The following KCTD20 variants were observed in gnomAD, a reference collection of about 807,000 sequenced individuals.
KCTD20 encodes BTB/POZ domain-containing protein KCTD20.
KCTD20 carries 30 observed loss-of-function variants against 39.6 expected under a neutral mutation model. That is an observed-to-expected ratio of 0.76 (90% confidence interval 0.57 to 1.03). The LOEUF (loss-of-function observed/expected upper bound fraction) is 1.03, where lower values mean the gene tolerates loss of function less well. Among genes scored for constraint, KCTD20 ranks in the 50% least tolerant of loss-of-function variants. KCTD20 has a pLI of 0.00. For missense variants in KCTD20, 422 were observed against 522.0 expected, an observed-to-expected ratio of 0.81 and a Z score of 1.87; for synonymous variants, 162 against 180.6, an observed-to-expected ratio of 0.90 and a Z score of 0.83.
intron 7 of KCTD20, among the ~76,000 whole-genome samples, chr6:36,485,851 C>A (rs2127458437): frequency 6.6e-6 from 1 of 152,052 alleles, no homozygotes; most frequent in African/African-American, 2.4e-5. Flanking sequence ...TCATTTCTGC[C>A]CACAGAACCC....
intron 1 of KCTD20, among the ~76,000 whole-genome samples, chr6:36,453,841 C>A (rs1262651380): frequency 1.3e-5 from 2 of 152,120 alleles, no homozygotes; most frequent in African/African-American, 4.8e-5. Context: ...ATAAATTTTC[C>A]TTTGTGCCTG....
At chr6:36,458,061 C>T (rs1775489742) in intron 1 of KCTD20, among the ~76,000 whole-genome samples, 1 of 151,786 alleles carries the variant, frequency 6.6e-6, no homozygotes, top group South Asian at 2.1e-4. Flanking sequence ...AAAATCTAGC[C>T]TTCTTTTTTG....
intron 1 of KCTD20, among the ~76,000 whole-genome samples, chr6:36,463,956 T>C (rs1355703055): frequency 2.0e-5 from 3 of 152,184 alleles, no homozygotes; most frequent in African/African-American, 7.2e-5. Context: ...TTCGGAACCA[T>C]GTAAATGTTT....
In KCTD20 at chr6:36,487,176, G is replaced by A; in HGVS notation, c.*1G>A. On this transcript the variant is annotated 3_prime_UTR_variant, in exon 8 of 8. Transcript: ENST00000373731. ...GGCTTCTAACGACTTTCAGGATTAG[G>A]GCCAGCTGTGGGTCTACTCCTTGTT... The A allele has an allele frequency of 6.2e-7, 1 of 1,609,020 alleles. No individual in the cohort carries two copies. The highest frequency in any genetic ancestry group is 8.5e-7 in the Non-Finnish European group (1 of 1,177,020).
chr6:36,470,017 G>T, intron 1 of KCTD20, 35 bp from the exon 2 acceptor site: 9 of 1,251,956 alleles, frequency 7.2e-6, no homozygotes, highest in Non-Finnish European at 9.7e-6. Flanking sequence ...AATCTGTTTT[G>T]TGAGTTCTAA....
chr6:36,462,990 C>G (rs1238788983), intron 1 of KCTD20, among the ~76,000 whole-genome samples: 1 of 152,184 alleles, frequency 6.6e-6, no homozygotes, highest in East Asian at 1.9e-4. Context: ...TAGCTTTACC[C>G]AAGGGAGTGT....
intron 1 of KCTD20, among the ~76,000 whole-genome samples, chr6:36,456,578 C>CT (rs58002986): frequency 0.015 from 1,624 of 106,790 alleles, 22 homozygotes; most frequent in East Asian, 0.051. Context: ...CACGCCCAGG[C>CT]TTTTTTTTTT....
At chr6:36,481,856 GC>G in intron 6 of KCTD20, 97 bp downstream of exon 6, 2 of 1,032,128 alleles carry the variant, frequency 1.9e-6, no homozygotes, top group Non-Finnish European at 2.9e-6. Flanking sequence ...TCAATGTTGA[GC>G]CTGTGATGAG....
At chr6:36,484,643 G>T in intron 6 of KCTD20, 71 bp from the exon 7 acceptor site, 1 of 714,222 alleles carries the variant, frequency 1.4e-6, no homozygotes, top group South Asian at 1.8e-5. Flanking sequence ...TCATTAGTTT[G>T]ATTTTGTTAG....
intron 2 of KCTD20, among the ~76,000 whole-genome samples, chr6:36,474,308 T>A (rs75576634): frequency 0.02 from 2,923 of 146,216 alleles, 93 homozygotes; most frequent in African/African-American, 0.068. Flanking sequence ...TGAAAATGAA[T>A]AGTTTTGGCA....
intron 2 of KCTD20, among the ~76,000 whole-genome samples, chr6:36,472,901 A>AT (rs1339649920): frequency 1.6e-5 from 2 of 123,044 alleles, no homozygotes; most frequent in East Asian, 2.8e-4. Context: ...ATATATATAT[A>AT]ATTTTTTTTT....
intron 3 of KCTD20, among the ~76,000 whole-genome samples, chr6:36,478,497 T>C (rs976128825): frequency 6.6e-6 from 1 of 152,208 alleles, no homozygotes; most frequent in African/African-American, 2.4e-5. Context: ...TACCCTCCTT[T>C]TCTACTTGAT....
Position 36,490,620 on chromosome 6 carries a change from G to C in KCTD20, c.*3445G>C, listed in dbSNP as rs1256483193. 1 of 152,332 alleles carries C rather than the reference G, an allele frequency of 6.6e-6. No homozygotes were observed. Among genetic ancestry groups the C allele is most frequent in the Non-Finnish European group, 1.5e-5 (1 of 68,216 alleles). 9.4% of individuals were successfully genotyped at this position (152,332 alleles called of 1,614,324 possible). ...CCCAGCACTTTGGGAGGCCAAGGTG[G>C]GAGGATCACTTGAGGTCAGGAGTTT... On this transcript the variant is annotated 3_prime_UTR_variant, in exon 8 of 8. Coordinates refer to ENST00000373731, the MANE Select transcript of KCTD20 (RefSeq NM_173562.5).
chr6:36,461,773 A>T lies in KCTD20; in HGVS notation c.-46-8279A>T, dbSNP rs148988247. On this transcript the variant is annotated intron_variant, in intron 1 of 7. Transcript: ENST00000373731. Reference sequence around the variant, plus strand: ...TAAGGGTAGTAAGTTAGGAGTGTCAAATAGAGGAGACAGGAAAATTTATCC... The same window carrying T: ...TAAGGGTAGTAAGTTAGGAGTGTCATATAGAGGAGACAGGAAAATTTATCC... Among the ~76,000 whole-genome samples the T allele has an allele frequency of 6.3e-3, 966 of 152,298 alleles. 12 individuals are homozygous for T. Among genetic ancestry groups the T allele is most frequent in the African/African-American group, 0.022 (928 of 41,564 alleles).
intron 7 of KCTD20, among the ~76,000 whole-genome samples, chr6:36,485,369 G>A (rs141968226): frequency 2.0e-3 from 310 of 151,832 alleles, no homozygotes; most frequent in African/African-American, 7.1e-3. Context: ...TATATTAACA[G>A]AACTACTTTG....
intron 2 of KCTD20, among the ~76,000 whole-genome samples, chr6:36,472,960 G>A (rs1042313470): frequency 1.3e-5 from 2 of 151,830 alleles, no homozygotes; most frequent in Non-Finnish European, 2.9e-5. Flanking sequence ...GAGTGCAGTG[G>A]TACAATCTTG....
At position 36,466,306 on chromosome 6, in the gene KCTD20, G is replaced by A. The variant is rs192171456; in HGVS notation, c.-46-3746G>A. On this transcript the variant is annotated intron_variant, in intron 1 of 7. Coordinates refer to ENST00000373731, the MANE Select transcript of KCTD20 (RefSeq NM_173562.5). ...TCGATCTCCTAACCTCAGGTGATCC[G>A]CCCACCTCAGCCTCCCAAAGGGCTG... Among the ~76,000 whole-genome samples the A allele has an allele frequency of 8.2e-4, 124 of 151,396 alleles. 1 individual carries two copies. The highest frequency in any genetic ancestry group is 2.9e-3 in the African/African-American group (120 of 41,272).
At chr6:36,475,206 G>T in intron 3 of KCTD20, 144 bp downstream of exon 3, 1 of 756,972 alleles carries the variant, frequency 1.3e-6, no homozygotes, top group Non-Finnish European at 2.0e-6. Context: ...AGCACTTTGG[G>T]AGGTCGAGGC....
At chr6:36,451,006 C>A (rs1235098691) in intron 1 of KCTD20, 1 of 151,048 alleles carries the variant, frequency 6.6e-6, no homozygotes, top group Non-Finnish European at 1.5e-5. Context: ...TTTTGACTTG[C>A]CTGTTTCCAG....
Sources: gnomAD v4.1 joint callset for allele counts (sites outside exome capture counted in the v4.1 genomes callset) on GRCh38, gnomAD v4.1.1 for gene constraint, MANE v1.5 for transcripts, NCBI Gene and HGNC (gene_info 2026-07-23, HGNC 2026-07-21) for gene names.